CDCA3: variants seen among roughly 807,000 people sequenced by gnomAD.
CDCA3 encodes the protein cell division cycle associated 3.
Under a neutral mutation model 29.1 loss-of-function variants are expected in CDCA3, and 16 were observed. The observed-to-expected ratio is 0.55, with a 90% CI of 0.37 to 0.83. The LOEUF (loss-of-function observed/expected upper bound fraction) is 0.83. CDCA3 is among the 40% of genes least tolerant of loss of function. The pLI, the probability that CDCA3 is intolerant of heterozygous loss-of-function variation, is 0.00. For missense variants in CDCA3, 291 were observed against 327.2 expected (o/e 0.89, Z 0.85); for synonymous variants, 88 against 124.5 (o/e 0.71, Z 1.95).
chr12:6,847,195 G>C (rs1257312675), downstream of CDCA3: 2 of 377,202 alleles, frequency 5.3e-6, no homozygotes, highest in Non-Finnish European at 9.9e-6. Context: ...CAGCAGACTT[G>C]AGTCTGAGGC....
At chr12:6,846,943 A>C, downstream of CDCA3, 1 of 1,097,380 alleles carries the variant, frequency 9.1e-7, no homozygotes, top group Non-Finnish European at 1.4e-6. Flanking sequence ...CACACTCAGC[A>C]GCCCCCTGCC....
chr12:6,846,939 C>T (rs1943717760), downstream of CDCA3: 1 of 1,114,036 alleles, frequency 9.0e-7, no homozygotes, highest in African/African-American at 1.5e-5. Flanking sequence ...TGAACACACT[C>T]AGCAGCCCCC....
rs1555126387 is a variant in CDCA3 at position 6,850,990 on chromosome 12, C to A, written c.-38G>T. The A allele has an allele frequency of 3.8e-6, 6 of 1,590,932 alleles. 1 individual carries two copies. The Middle Eastern group carries it at 6.8e-4, about 179-fold the overall frequency. ...TTGCAGGGTGGGGGCAAGGGCCAGC[C>A]CGGGACGAGGAGGGAATGCCTGTGA... On this transcript the variant is annotated 5_prime_UTR_variant, in exon 2 of 6. Transcript: ENST00000538862. The surrounding 1 kb of genome is among the most constrained non-coding windows in gnomAD (Gnocchi z 4.7).
chr12:6,849,618 G>A lies in CDCA3; in HGVS notation c.491C>T (p.Ala164Val). 6.2e-7 allele frequency: 1 copy of A among 1,614,054 alleles called. No individual in the cohort carries two copies. Among genetic ancestry groups the A allele is most frequent in the Non-Finnish European group, 8.5e-7 (1 of 1,179,960 alleles). Residue 164 changes from alanine (A) to valine (V), a missense_variant, in exon 4 of 6, where the codon GCC becomes GTC. Coordinates refer to ENST00000538862, the MANE Select transcript of CDCA3 (RefSeq NM_031299.7). The surrounding 1 kb of genome is among the most constrained non-coding windows in gnomAD (Gnocchi z 5.2). ...EARQPTETPV[A>V]SQSSDKPSRD... ...TGAGGGCTTGTCGGAGCTCTGGCTGGCCACAGGGGTTTCTGTGGGCTGTCT... is the reference window on the plus strand; with the variant it reads ...TGAGGGCTTGTCGGAGCTCTGGCTGACCACAGGGGTTTCTGTGGGCTGTCT...
intron 1 of CDCA3, 45 bp from the exon 2 acceptor site, chr12:6,851,054 G>C: frequency 6.8e-7 from 1 of 1,461,850 alleles, no homozygotes; most frequent in East Asian, 2.4e-5. Flanking sequence ...CTTCCACGTC[G>C]GACCTTCAAC....
At chr12:6,845,794 A>G (rs949898567), downstream of CDCA3, 1 of 1,612,406 alleles carries the variant, frequency 6.2e-7, no homozygotes. Context: ...ATGAAGTCTG[A>G]GCGTGTGGGT....
downstream of CDCA3, chr12:6,847,276 CCT>C (rs1555124990): frequency 4.1e-6 from 1 of 245,634 alleles, no homozygotes; most frequent in Non-Finnish European, 8.0e-6. Flanking sequence ...GGCGTTTGGC[CCT>C]GTGACTATGG....
At chr12:6,847,136 T>C (rs782671645), downstream of CDCA3, 20 of 494,406 alleles carry the variant, frequency 4.0e-5, no homozygotes, top group African/African-American at 3.8e-4. Flanking sequence ...TCACAGCCTC[T>C]CCCTTAATGA....
downstream of CDCA3, chr12:6,846,667 A>G (rs147174181): frequency 8.5e-5 from 54 of 632,206 alleles, no homozygotes; most frequent in Middle Eastern, 8.3e-4. Context: ...ACATGCACAC[A>G]TATCCCCCCA....
chr12:6,849,653 C>T lies in CDCA3; in HGVS notation c.456G>A (p.Lys152=), dbSNP rs1555125778. ...TEFPSKQVFS[K]EEARQPTETP... ...TTTCTGTGGGCTGTCTTGCTTCCTC[C>T]TTGGAAAACACCTGTTTGGAGGGGA... The change falls in exon 4 of 6, where the codon AAG becomes AAA. Residue 152 remains lysine, a synonymous_variant. Coordinates refer to ENST00000538862, the MANE Select transcript of CDCA3 (RefSeq NM_031299.7). This position sits in a 1 kb window ranked among gnomAD's most constrained non-coding sequence, Gnocchi z 5.2. The T allele has an allele frequency of 1.9e-6, 3 of 1,614,144 alleles. No individual in the cohort carries two copies. The highest frequency in any genetic ancestry group is 2.5e-6 in the Non-Finnish European group (3 of 1,180,014).
downstream of CDCA3, chr12:6,845,911 G>A: frequency 1.3e-6 from 1 of 760,856 alleles, no homozygotes; most frequent in Non-Finnish European, 2.3e-6. Context: ...TCTTACTGCT[G>A]TCCCTTGTCA....
downstream of CDCA3, chr12:6,845,786 G>C (rs782275874): frequency 6.2e-7 from 1 of 1,613,688 alleles, no homozygotes; most frequent in Non-Finnish European, 8.5e-7. Context: ...GGGACTCCAT[G>C]AAGTCTGAGC....
intron 1 of CDCA3, 100 bp from the exon 2 acceptor site, chr12:6,851,109 G>A: frequency 2.1e-6 from 3 of 1,418,498 alleles, no homozygotes; most frequent in South Asian, 3.0e-5. Context: ...GAAACTTCCT[G>A]GCGAGGGACC....
rs1555126338 is a variant in CDCA3, at chr12:6,850,892, G to T, written c.61C>A (p.Leu21Met). The change falls in exon 2 of 6, where the codon CTG becomes ATG. Residue 21 changes from leucine to methionine, a missense_variant. Leu to Met is a conservative substitution (Grantham distance 15). Coordinates refer to ENST00000538862, the MANE Select transcript of CDCA3 (RefSeq NM_031299.7). The surrounding 1 kb of genome is among the most constrained non-coding windows in gnomAD (Gnocchi z 4.7). The stretch of plus-strand genomic sequence containing the variant: ...GAACGGGGGTCCGCCACTCGAGCCA[G>T]ATGCTTGTTGTGCGGCGGAGGCCGC... The part of the protein sequence containing the change: ...PARPPPHNKH[L>M]ARVADPRSPS... The T allele has an allele frequency of 2.5e-6, 4 of 1,613,898 alleles. No homozygotes were observed. The South Asian group carries it at 4.4e-5, about 18-fold the overall frequency.
At chr12:6,845,689 G>A (rs1328398910), downstream of CDCA3, 1 of 1,613,970 alleles carries the variant, frequency 6.2e-7, no homozygotes, top group Non-Finnish European at 8.5e-7. Context: ...TCCCACGAGA[G>A]CATCATCTGC....
At position 6,849,665 on chromosome 12, in the gene CDCA3, C is replaced by G; in HGVS notation, c.444G>C (p.Gln148His). Residue 148 changes from glutamine to histidine, a missense_variant, in exon 4 of 6, where the codon CAG becomes CAC. Gln to His is a conservative substitution (Grantham distance 24). Transcript: ENST00000538862. This position sits in a 1 kb window ranked among gnomAD's most constrained non-coding sequence, Gnocchi z 5.2. ...PWNQTEFPSKQVFSKEEARQP... is the reference protein window; with the variant it reads ...PWNQTEFPSKHVFSKEEARQP... ...GTCTTGCTTCCTCCTTGGAAAACAC[C>G]TGTTTGGAGGGGAACTCAGTCTGGT... The G allele has an allele frequency of 6.2e-7, 1 of 1,614,102 alleles. No homozygotes were observed. The highest frequency in any genetic ancestry group is 1.7e-5 in the Admixed American group (1 of 60,008).
rs1173281484 is a variant in CDCA3, at chr12:6,849,232, G to A, written c.652-34C>T. 3 of 1,613,112 alleles carry A rather than the reference G, an allele frequency of 1.9e-6. No homozygotes were observed. Among genetic ancestry groups the A allele is most frequent in the African/African-American group, 2.7e-5 (2 of 74,906 alleles). ...GGCAGTGTATGAGTTGGGGGGAGTT[G>A]CTGTTCAGAAGAGGGAAGATCTGGG... On this transcript the variant is annotated intron_variant, in intron 5 of 5. Transcript: ENST00000538862. This position sits in a 1 kb window ranked among gnomAD's most constrained non-coding sequence, Gnocchi z 5.2.
downstream of CDCA3, chr12:6,845,897 ACT>A: frequency 1.2e-6 from 1 of 813,074 alleles, no homozygotes. Context: ...CCCATTTCGG[ACT>A]CTCTTACTGC....
downstream of CDCA3, chr12:6,845,289 TC>T: frequency 2.7e-6 from 1 of 370,192 alleles, no homozygotes; most frequent in Non-Finnish European, 5.0e-6. Context: ...TGGGACAACC[TC>T]CGTCCGCCCT....
Sources: gnomAD v4.1 joint callset for allele counts on GRCh38, gnomAD v4.1.1 for gene constraint, Gnocchi (gnomAD v3.1) non-coding constraint, MANE v1.5 for transcripts, NCBI Gene and HGNC (gene_info 2026-07-23, HGNC 2026-07-21) for gene names.